Variants in RPGRIP1L observed in about 807,000 individuals in gnomAD.
RPGRIP1L encodes protein fantom.
A neutral mutation model predicts 160.4 loss-of-function variants in RPGRIP1L; 131 were observed. The ratio of observed to expected loss-of-function variants is 0.82; its 90% CI spans 0.71 to 0.94. The LOEUF is 0.94. RPGRIP1L is among the 40% of genes least tolerant of loss of function. The probability of loss-of-function intolerance (pLI) is 0.00; values close to 1 mark genes in which losing one functional copy is unlikely to be tolerated. For synonymous variants in RPGRIP1L, 510 were observed against 515.8 expected (o/e 0.99, Z 0.15); for missense variants, 1,522 against 1,535.8 (o/e 0.99, Z 0.15).
Position 53,637,757 on chromosome 16 carries a change from G to A in RPGRIP1L, c.3158C>T (p.Ala1053Val). The A allele has an allele frequency of 6.2e-7, 1 of 1,612,722 alleles. No individual in the cohort carries two copies. Residue 1053 changes from alanine (A) to valine (V), a missense_variant, in exon 21 of 27, where the codon GCA becomes GTA. Physicochemically the swap from Ala to Val is moderately conservative, Grantham distance 64. Transcript: ENST00000647211. ...TTCAGAAGATGCCAAGCTTTGTTCT[G>A]CAAGCTGACCTTCAGATAGTAAAGA... Reference protein sequence around the residue: ...DVSLLSEGQLAEQSLASSEDE... With the variant: ...DVSLLSEGQLVEQSLASSEDE...
Position 53,636,430 on chromosome 16 carries a change from G to T in RPGRIP1L, c.3294+9C>A. On this transcript the variant is annotated intron_variant, in intron 22 of 26. Coordinates refer to ENST00000647211, the MANE Select transcript of RPGRIP1L (RefSeq NM_015272.5). ...TCAGAACATTTCTAGTTGGCATCAAGTTACTGACCTGTTTGATATTCTTGG... is the reference window on the plus strand; with the variant it reads ...TCAGAACATTTCTAGTTGGCATCAATTTACTGACCTGTTTGATATTCTTGG... 1 of 1,592,130 alleles carries T rather than the reference G, an allele frequency of 6.3e-7. No homozygotes were observed. Among genetic ancestry groups the T allele is most frequent in the Non-Finnish European group, 8.6e-7 (1 of 1,160,202 alleles).
At chr16:53,603,674 A>ATGTG (rs3035223) in intron 26 of RPGRIP1L, among the ~76,000 whole-genome samples, 22,554 of 147,852 alleles carry the variant, frequency 0.15, 1,685 homozygotes, top group Middle Eastern at 0.19. Context: ...TTGAACTTTA[A>ATGTG]TGTGTGTGTG....
intron 22 of RPGRIP1L, among the ~76,000 whole-genome samples, chr16:53,624,537 C>A (rs1472385633): frequency 5.3e-5 from 8 of 150,676 alleles, no homozygotes; most frequent in Non-Finnish European, 1.5e-5. Context: ...GAGCGAGACT[C>A]CACCTAAAAA....
At chr16:53,661,139 C>A (rs1012470571) in intron 10 of RPGRIP1L, among the ~76,000 whole-genome samples, 1 of 151,384 alleles carries the variant, frequency 6.6e-6, no homozygotes, top group Non-Finnish European at 1.5e-5. Context: ...ACTAAAAATA[C>A]AAGAATTAGC....
intron 6 of RPGRIP1L, among the ~76,000 whole-genome samples, chr16:53,678,331 C>G (rs1211520091): frequency 6.6e-6 from 1 of 152,104 alleles, no homozygotes; most frequent in Non-Finnish European, 1.5e-5. Flanking sequence ...AAGCAATAAA[C>G]TCTGAAAAAG....
chr16:53,698,559 G>A (rs1188961273), intron 2 of RPGRIP1L, among the ~76,000 whole-genome samples: 85 of 135,614 alleles, frequency 6.3e-4, no homozygotes, highest in Admixed American at 1.3e-3. Context: ...TCAGCCCCCC[G>A]CCCGGCCAGC....
chr16:53,625,325 C>A (rs1185953546), intron 22 of RPGRIP1L, among the ~76,000 whole-genome samples: 2 of 150,664 alleles, frequency 1.3e-5, no homozygotes, highest in Non-Finnish European at 3.0e-5. Context: ...GGGAGCGCCT[C>A]CGCGGCTGCC....
chr16:53,688,316 G>A (rs1235530002), intron 4 of RPGRIP1L, among the ~76,000 whole-genome samples: 1 of 151,894 alleles, frequency 6.6e-6, no homozygotes, highest in Non-Finnish European at 1.5e-5. Context: ...ATAAAAACCT[G>A]ATTTTTTCCC....
At chr16:53,689,068 ATATATATATGT>A (rs978315535) in intron 4 of RPGRIP1L, among the ~76,000 whole-genome samples, 35 of 149,470 alleles carry the variant, frequency 2.3e-4, no homozygotes, top group South Asian at 1.0e-3. Flanking sequence ...ATGGCTATAT[ATATATATATGT>A]TATATATATG....
Position 53,661,034 on chromosome 16 carries a change from G to T in RPGRIP1L, c.1244-2156C>A, listed in dbSNP as rs1297435593. On this transcript the variant is annotated intron_variant, in intron 10 of 26. Coordinates refer to ENST00000647211, the MANE Select transcript of RPGRIP1L (RefSeq NM_015272.5). ...ATCCAGGCCGGGCACGATGGCTCAC[G>T]CCTGTAATCCCAGCACTTTGGGAGG... is the stretch of plus-strand genomic sequence containing the variant. 2.6e-5 allele frequency among the ~76,000 whole-genome samples: 4 copies of T among 151,778 alleles called. No individual in the cohort carries two copies. The East Asian group carries it at 7.7e-4, about 29-fold the overall frequency.
chr16:53,682,558 C>T (rs1305851545), intron 6 of RPGRIP1L, among the ~76,000 whole-genome samples: 1 of 151,150 alleles, frequency 6.6e-6, no homozygotes, highest in African/African-American at 2.4e-5. Flanking sequence ...AATACAGTGT[C>T]CACCTTACAC....
intron 25 of RPGRIP1L, 79 bp downstream of exon 25, chr16:53,610,887 TG>T: frequency 8.7e-7 from 1 of 1,143,098 alleles, no homozygotes; most frequent in Non-Finnish European, 1.3e-6. Context: ...CCTCATCTTG[TG>T]CCTTTTATTT....
chr16:53,639,994 T>A (rs1182707136), intron 19 of RPGRIP1L, among the ~76,000 whole-genome samples: 1 of 152,214 alleles, frequency 6.6e-6, no homozygotes, highest in African/African-American at 2.4e-5. Flanking sequence ...TGTCCTTTAC[T>A]ATGTAAGTTA....
At chr16:53,641,208 G>C in intron 18 of RPGRIP1L, 77 bp downstream of exon 18, 4 of 1,501,410 alleles carry the variant, frequency 2.7e-6, no homozygotes, top group Non-Finnish European at 2.8e-6. Flanking sequence ...TTTTTTGGTG[G>C]GGGTGGCAGC....
chr16:53,633,146 A>T (rs1378713863), intron 22 of RPGRIP1L, among the ~76,000 whole-genome samples: 1 of 152,184 alleles, frequency 6.6e-6, no homozygotes, highest in Non-Finnish European at 1.5e-5. Context: ...CTGTTCTGAG[A>T]TTTTTACCAG....
At chr16:53,660,464 C>T (rs1241455994) in intron 10 of RPGRIP1L, among the ~76,000 whole-genome samples, 1 of 151,398 alleles carries the variant, frequency 6.6e-6, no homozygotes, top group African/African-American at 2.4e-5. Flanking sequence ...ATAAATACTA[C>T]ATATAAATAA....
chr16:53,645,909 T>C lies in RPGRIP1L; in HGVS notation c.2399A>G (p.Asn800Ser), dbSNP rs147734438. 1.2e-6 allele frequency: 2 copies of C among 1,614,160 alleles called. No homozygotes were observed. Among genetic ancestry groups the C allele is most frequent in the Admixed American group, 1.7e-5 (1 of 60,022 alleles). The change falls in exon 17 of 27, where the codon AAC (asparagine) becomes AGC (serine). Residue 800 changes from asparagine (N) to serine (S), a missense_variant. Transcript: ENST00000647211. ...NELHITIRCCNHLQSRASHLQ... is the reference protein window; with the variant it reads ...NELHITIRCCSHLQSRASHLQ... ...GTGGCTTGCTCGGGACTGCAGGTGG[T>C]TGCAACATCTTATTGTAATGTGAAG...
chr16:53,601,205 A>G lies in RPGRIP1L; in HGVS notation c.*871T>C, dbSNP rs1239353324. The G allele has an allele frequency of 2.6e-5, 4 of 152,590 alleles. No homozygotes were observed. Among genetic ancestry groups the G allele is most frequent in the Non-Finnish European group, 5.9e-5 (4 of 68,022 alleles). The allele number at this position is 152,590 out of a possible 1,614,324, so 9.5% of individuals were successfully genotyped here. ...CCTGGCACTGTACTGGCTTGATGTA[A>G]ATTTAAAAAATGATAAAAAGATACT... On this transcript the variant is annotated 3_prime_UTR_variant, in exon 27 of 27. Coordinates refer to ENST00000647211, the MANE Select transcript of RPGRIP1L (RefSeq NM_015272.5).
chr16:53,648,626 G>GCACGCACACA (rs1966739964), intron 16 of RPGRIP1L, among the ~76,000 whole-genome samples: 2 of 143,988 alleles, frequency 1.4e-5, no homozygotes, highest in Non-Finnish European at 3.0e-5. Context: ...GCGCGCGCGC[G>GCACGCACACA]CACACACACA....
Sources: allele counts gnomAD v4.1 joint callset (sites outside exome capture counted in the v4.1 genomes callset), GRCh38; gene constraint gnomAD v4.1.1; transcripts MANE v1.5; gene names NCBI Gene and HGNC (gene_info 2026-07-23, HGNC 2026-07-21).